TP53I13: variants seen among roughly 807,000 people sequenced by gnomAD.
TP53I13 encodes tumor protein p53-inducible protein 13.
A neutral mutation model predicts 39.1 loss-of-function variants in TP53I13; 27 were observed. The observed-to-expected ratio is 0.69, with a 90% confidence interval of 0.51 to 0.95. TP53I13 has a LOEUF of 0.95. TP53I13 is among the 40% of genes least tolerant of loss of function. The probability of loss-of-function intolerance (pLI) is 0.00; values close to 1 mark genes in which losing one functional copy is unlikely to be tolerated. For missense variants in TP53I13, 544 were observed against 520.4 expected (o/e 1.05, Z -0.44); for synonymous variants, 230 against 224.6 (o/e 1.02, Z -0.22).
the TP53I13 span, chr17:29,581,458 G>T: frequency 1.8e-6 from 2 of 1,127,364 alleles, no homozygotes; most frequent in Non-Finnish European, 2.7e-6. This position sits in a 1 kb window ranked among gnomAD's most constrained non-coding sequence, Gnocchi z 4.8. Context: ...TCACTGCCAT[G>T]AGCAGGGCTG....
At chr17:29,567,744 G>A (rs1437207523), upstream of TP53I13, among the ~76,000 whole-genome samples, 2 of 152,094 alleles carry the variant, frequency 1.3e-5, no homozygotes, top group Non-Finnish European at 2.9e-5. The surrounding 1 kb of genome is among the most constrained non-coding windows in gnomAD (Gnocchi z 6.6). Flanking sequence ...AGAGTCAGTC[G>A]GAGAAAAGGA....
At chr17:29,581,956 A>T in the TP53I13 span, 1 of 1,612,668 alleles carries the variant, frequency 6.2e-7, no homozygotes, top group Admixed American at 1.7e-5. The surrounding 1 kb of genome is among the most constrained non-coding windows in gnomAD (Gnocchi z 4.8). Context: ...TGCGGCCATT[A>T]ACATCAGGGG....
At chr17:29,568,673 GGGCGCT>G (rs2032795672), upstream of TP53I13, 2 of 920,844 alleles carry the variant, frequency 2.2e-6, no homozygotes, top group Non-Finnish European at 1.3e-6. The surrounding 1 kb of genome is among the most constrained non-coding windows in gnomAD (Gnocchi z 4.5). Flanking sequence ...GGCGGCGCGG[GGGCGCT>G]GGGGCTGGAG....
downstream of TP53I13, chr17:29,577,558 C>T: frequency 1.1e-6 from 1 of 885,228 alleles, no homozygotes; most frequent in Non-Finnish European, 1.9e-6. Context: ...TGCTGGAGAG[C>T]TGGCTCAGGC....
In TP53I13 at chr17:29,569,022, TG is replaced by T; in HGVS notation, c.79del (p.Ala27LeufsTer26). ...CTCTTCGCTTTGGACCCACAGGTGATGGCTGGACCGGCGGAGGAGGCGGGAG... is the reference window on the plus strand; with the variant it reads ...CTCTTCGCTTTGGACCCACAGGTGATGCTGGACCGGCGGAGGAGGCGGGAG... ...LARLLGPSEV[M>X]AGPAEEAGAH... On this transcript the variant is annotated frameshift_variant, in exon 2 of 7. Coordinates refer to ENST00000301057, the MANE Select transcript of TP53I13 (RefSeq NM_138349.4). LOFTEE classifies it high-confidence loss of function. 3 of 1,609,852 alleles carry T rather than the reference TG, an allele frequency of 1.9e-6. No homozygotes were observed. The highest frequency in any genetic ancestry group is 2.5e-6 in the Non-Finnish European group (3 of 1,178,916).
the TP53I13 span, chr17:29,582,022 C>G: frequency 6.2e-7 from 1 of 1,612,548 alleles, no homozygotes; most frequent in Non-Finnish European, 8.5e-7. Context: ...TCTGTCCTGC[C>G]TTGGCAGCCA....
downstream of TP53I13, chr17:29,575,949 T>G (rs1341015998): frequency 3.2e-6 from 5 of 1,551,318 alleles, no homozygotes; most frequent in South Asian, 1.1e-5. The surrounding 1 kb of genome is among the most constrained non-coding windows in gnomAD (Gnocchi z 5.5). Context: ...ACTGCCCCCC[T>G]GCTCACCAGC....
rs1402903279 is a variant in TP53I13 at position 29,572,466 on chromosome 17, G to C, written c.838G>C (p.Gly280Arg). Reference sequence around the variant, plus strand: ...GCCCAACGGGCAAGGCAGCCCAGGGGGCTGTGTCTGTTCAAGTCAGGCTTC... The same window carrying C: ...GCCCAACGGGCAAGGCAGCCCAGGGCGCTGTGTCTGTTCAAGTCAGGCTTC... Reference protein sequence around the residue: ...QVPNGQGSPGGCVCSSQASPA... With the variant: ...QVPNGQGSPGRCVCSSQASPA... Residue 280 changes from glycine (G) to arginine (R), a missense_variant, in exon 6 of 7, where the codon GGC becomes CGC. Gly to Arg is a moderately radical substitution (Grantham distance 125, BLOSUM62 -2). Transcript: ENST00000301057. 6.3e-7 allele frequency: 1 copy of C among 1,589,156 alleles called. No homozygotes were observed. Among genetic ancestry groups the C allele is most frequent in the Admixed American group, 1.7e-5 (1 of 58,058 alleles).
chr17:29,566,865 T>C, upstream of TP53I13: 1 of 1,504,598 alleles, frequency 6.6e-7, no homozygotes, highest in South Asian at 1.2e-5. Flanking sequence ...GGGTCCTCTC[T>C]CCGACGGCGC....
At chr17:29,578,259 T>C in the TP53I13 span, 2 of 1,538,400 alleles carry the variant, frequency 1.3e-6, no homozygotes, top group Non-Finnish European at 1.8e-6. Flanking sequence ...CCTGGGCCGC[T>C]CGGGTCCTCC....
the TP53I13 span, chr17:29,578,650 G>T: frequency 1.6e-6 from 2 of 1,263,654 alleles, no homozygotes; most frequent in African/African-American, 1.5e-5. Flanking sequence ...TCGAGTCAGA[G>T]GCAGAGGAAG....
the TP53I13 span, chr17:29,582,296 AG>A: frequency 1.6e-6 from 1 of 627,266 alleles, no homozygotes. Flanking sequence ...GCTTCCCGCT[AG>A]GGGTTAATGC....
At chr17:29,578,710 G>A in the TP53I13 span, 11 of 1,607,274 alleles carry the variant, frequency 6.8e-6, no homozygotes, top group Non-Finnish European at 9.4e-6. Flanking sequence ...AAGTGTCAGG[G>A]CACTGTTGGA....
chr17:29,568,922 G>C lies in TP53I13; in HGVS notation c.72+92G>C. The C allele has an allele frequency of 4.4e-6, 7 of 1,596,326 alleles. No homozygotes were observed. Among genetic ancestry groups the C allele is most frequent in the Non-Finnish European group, 6.0e-6 (7 of 1,174,108 alleles). On this transcript the variant is annotated intron_variant, in intron 1 of 6. Coordinates refer to ENST00000301057, the MANE Select transcript of TP53I13 (RefSeq NM_138349.4). This position sits in a 1 kb window ranked among gnomAD's most constrained non-coding sequence, Gnocchi z 4.5. ...CTGGAAGGAGTGGCGCGCCGAGGGG[G>C]ACGCGGAGTTCTTCCGCTGGCGGGC...
At position 29,572,217 on chromosome 17, in the gene TP53I13, C is replaced by T; in HGVS notation, c.589C>T (p.Pro197Ser). 1 of 1,612,002 alleles carries T rather than the reference C, an allele frequency of 6.2e-7. No individual in the cohort carries two copies. The highest frequency in any genetic ancestry group is 1.1e-5 in the South Asian group (1 of 91,048). The change falls in exon 6 of 7, where the codon CCC becomes TCC. Residue 197 changes from proline (P) to serine (S), a missense_variant. Coordinates refer to ENST00000301057, the MANE Select transcript of TP53I13 (RefSeq NM_138349.4). Reference sequence around the variant, plus strand: ...GGTGACATCTCAAGGGCCCAGGCAGCCCTCTTCTAGTGGTGCCAAGAGGCG... The same window carrying T: ...GGTGACATCTCAAGGGCCCAGGCAGTCCTCTTCTAGTGGTGCCAAGAGGCG... ...TEVTSQGPRQ[P>S]SSSGAKRRRL...
chr17:29,576,338 C>T (rs2033198652), downstream of TP53I13: 2 of 1,613,142 alleles, frequency 1.2e-6, no homozygotes. Flanking sequence ...GCGGTGTGTG[C>T]TCCCGCCTGG....
rs2033031603 is a variant in TP53I13, at chr17:29,573,069, G to C, written c.*145G>C. On this transcript the variant is annotated 3_prime_UTR_variant, in exon 7 of 7. Coordinates refer to ENST00000301057, the MANE Select transcript of TP53I13 (RefSeq NM_138349.4). ...ACTGCGGGGGCTTTCCTCCTTGTTG[G>C]TTGCTGAGTGGGCGGCCAAGGGGAG... 1.6e-6 allele frequency: 1 copy of C among 606,338 alleles called. No homozygotes were observed. The highest frequency in any genetic ancestry group is 1.9e-5 in the African/African-American group (1 of 51,320). 37.6% of individuals were successfully genotyped at this position (606,338 alleles called of 1,614,324 possible). A position where few individuals can be genotyped will look rare whatever the true frequency, so the allele number is the denominator to read the frequency against.
At chr17:29,578,239 G>A in the TP53I13 span, 1 of 1,353,976 alleles carries the variant, frequency 7.4e-7, no homozygotes, top group Admixed American at 1.7e-5. Flanking sequence ...TAAAGGACCA[G>A]AGACCCATGC....
chr17:29,569,018 G>C lies in TP53I13; in HGVS notation c.73G>C (p.Val25Leu), dbSNP rs1028761373. 1.9e-5 allele frequency: 31 copies of C among 1,609,530 alleles called. No individual in the cohort carries two copies. Among genetic ancestry groups the C allele is most frequent in the Admixed American group, 3.4e-5 (2 of 59,572 alleles). ...ALARLLGPSEVMAGPAEEAGA... is the reference protein window; with the variant it reads ...ALARLLGPSELMAGPAEEAGA... ...CCAACTCTTCGCTTTGGACCCACAGGTGATGGCTGGACCGGCGGAGGAGGC... is the reference window on the plus strand; with the variant it reads ...CCAACTCTTCGCTTTGGACCCACAGCTGATGGCTGGACCGGCGGAGGAGGC... Residue 25 changes from valine (V) to leucine (L), a missense_variant and splice_region_variant, in exon 2 of 7, where the codon GTG becomes CTG. Coordinates refer to ENST00000301057, the MANE Select transcript of TP53I13 (RefSeq NM_138349.4).
Sources: gnomAD v4.1 joint callset for allele counts (sites outside exome capture counted in the v4.1 genomes callset) on GRCh38, gnomAD v4.1.1 for gene constraint, Gnocchi (gnomAD v3.1) non-coding constraint, MANE v1.5 for transcripts, NCBI Gene and HGNC (gene_info 2026-07-23, HGNC 2026-07-21) for gene names.